Variants in PALM2AKAP2 observed in about 807,000 individuals in gnomAD.
PALM2AKAP2 encodes PALM2-AKAP2 fusion protein.
PALM2AKAP2 carries 37 observed loss-of-function variants against 71.5 expected under a neutral mutation model. The ratio of observed to expected loss-of-function variants is 0.52; its 90% CI spans 0.40 to 0.68. The LOEUF (loss-of-function observed/expected upper bound fraction) is 0.68. Among genes scored for constraint, PALM2AKAP2 ranks in the 30% least tolerant of loss-of-function variants. PALM2AKAP2 has a pLI of 0.00. For synonymous variants in PALM2AKAP2, 468 were observed against 478.8 expected (o/e 0.98, Z 0.29); for missense variants, 1,224 against 1,191.8 (o/e 1.03, Z -0.40).
intron 1 of PALM2AKAP2, among the ~76,000 whole-genome samples, chr9:110,092,303 G>A (rs959472489): frequency 6.6e-6 from 1 of 152,114 alleles, no homozygotes; most frequent in African/African-American, 2.4e-5. Context: ...CCGCATTCCA[G>A]TCTGAGTGAC....
chr9:109,903,305 G>C (rs1252153009), intron 3 of PALM2AKAP2, among the ~76,000 whole-genome samples: 1 of 151,892 alleles, frequency 6.6e-6, no homozygotes, highest in Non-Finnish European at 1.5e-5. Flanking sequence ...TGCGTACCGG[G>C]AGGGGTTGGC....
At chr9:109,649,103 G>C (rs1048250925) in intron 1 of PALM2AKAP2, among the ~76,000 whole-genome samples, 1 of 151,552 alleles carries the variant, frequency 6.6e-6, no homozygotes, top group South Asian at 2.1e-4. Context: ...TTTAAACACT[G>C]AAAGTTTGGT....
In PALM2AKAP2 at chr9:109,923,692, C is replaced by T. The variant is rs778428693; in HGVS notation, c.258-43C>T. 9 of 1,535,620 alleles carry T rather than the reference C, an allele frequency of 5.9e-6. No individual in the cohort carries two copies. The South Asian group carries it at 7.5e-5, about 13-fold the overall frequency. ...GAGCTGCTCTCTTGCCCGTGGATGG[C>T]AGGACAATAAAGTAACTTGTCCTTT... is the stretch of plus-strand genomic sequence containing the variant. On this transcript the variant is annotated intron_variant, in intron 3 of 9. Transcript: ENST00000302798.
intron 6 of PALM2AKAP2, among the ~76,000 whole-genome samples, chr9:109,973,272 T>C (rs1313050545): frequency 6.6e-6 from 1 of 152,234 alleles, no homozygotes; most frequent in African/African-American, 2.4e-5. Flanking sequence ...AAACCCTTGC[T>C]TTGTGACAGG....
intron 3 of PALM2AKAP2, among the ~76,000 whole-genome samples, chr9:109,895,073 A>G (rs73655602): frequency 0.038 from 5,749 of 152,340 alleles, 118 homozygotes; most frequent in Middle Eastern, 0.075. Context: ...GGACTCTCAG[A>G]ATGACACAGC....
intron 1 of PALM2AKAP2, among the ~76,000 whole-genome samples, chr9:109,762,836 AATGCCCCTCCTTCCCAT>A (rs1829079250): frequency 1.3e-5 from 2 of 152,212 alleles, no homozygotes; most frequent in Non-Finnish European, 2.9e-5. Flanking sequence ...CTTTTATCTC[AATGCCCCTCCTTCCCAT>A]TCCCCAGGGG....
intron 1 of PALM2AKAP2, among the ~76,000 whole-genome samples, chr9:109,817,720 G>A (rs1431265955): frequency 6.6e-6 from 1 of 152,202 alleles, no homozygotes; most frequent in Non-Finnish European, 1.5e-5. Flanking sequence ...GACTTGACTT[G>A]CAGCGAGGAA....
intron 1 of PALM2AKAP2, among the ~76,000 whole-genome samples, chr9:110,080,560 C>G (rs1834427612): frequency 6.6e-6 from 1 of 152,152 alleles, no homozygotes; most frequent in Non-Finnish European, 1.5e-5. Flanking sequence ...GCTTAGAGTG[C>G]TGTGGCAGAA....
At chr9:109,957,627 G>A (rs1831772682) in intron 6 of PALM2AKAP2, among the ~76,000 whole-genome samples, 1 of 152,172 alleles carries the variant, frequency 6.6e-6, no homozygotes, top group South Asian at 2.1e-4. Context: ...CCCACCTGCA[G>A]GGTGAACTGA....
intron 6 of PALM2AKAP2, among the ~76,000 whole-genome samples, chr9:110,002,151 T>C (rs1173839854): frequency 6.6e-6 from 1 of 152,164 alleles, no homozygotes; most frequent in Non-Finnish European, 1.5e-5. Context: ...GGCTGTGGGT[T>C]TGTCATAGAT....
intron 1 of PALM2AKAP2, among the ~76,000 whole-genome samples, chr9:109,666,795 A>G (rs1426330950): frequency 6.6e-6 from 1 of 152,256 alleles, no homozygotes; most frequent in Non-Finnish European, 1.5e-5. Context: ...AAGCTGGACA[A>G]AGGTGGTGAC....
At chr9:109,755,979 A>T (rs901456502) in intron 1 of PALM2AKAP2, among the ~76,000 whole-genome samples, 1 of 152,162 alleles carries the variant, frequency 6.6e-6, no homozygotes, top group African/African-American at 2.4e-5. Context: ...TCATCACTGC[A>T]CATGATGGTT....
chr9:110,156,679 A>G (rs1836465871), intron 3 of PALM2AKAP2, among the ~76,000 whole-genome samples, 182 bp downstream of exon 9: 1 of 151,996 alleles, frequency 6.6e-6, no homozygotes, highest in South Asian at 2.1e-4. Flanking sequence ...GCCTGTTTCA[A>G]AAAAAAATTG....
chr9:109,661,933 G>A (rs1300159851), intron 1 of PALM2AKAP2, among the ~76,000 whole-genome samples: 1 of 152,154 alleles, frequency 6.6e-6, no homozygotes, highest in African/African-American at 2.4e-5. Context: ...AAGCAATTGT[G>A]AATGGGAGTT....
chr9:109,790,561 C>T (rs1266833269), intron 1 of PALM2AKAP2, among the ~76,000 whole-genome samples: 1 of 152,106 alleles, frequency 6.6e-6, no homozygotes, highest in African/African-American at 2.4e-5. Flanking sequence ...CCAAATGGGG[C>T]TCTAGGATTT....
intron 1 of PALM2AKAP2, among the ~76,000 whole-genome samples, chr9:110,122,228 A>G (rs1835504807): frequency 6.6e-6 from 1 of 152,186 alleles, no homozygotes; most frequent in Non-Finnish European, 1.5e-5. Context: ...AGGTCTCACT[A>G]CGTTGCCCAG....
upstream of PALM2AKAP2, among the ~76,000 whole-genome samples, chr9:109,778,984 G>A (rs1829390231): frequency 6.6e-6 from 1 of 152,052 alleles, no homozygotes; most frequent in Non-Finnish European, 1.5e-5. Flanking sequence ...TGGCCAGGCT[G>A]GTCTCGAACT....
rs1287497363 is a variant in PALM2AKAP2 at position 110,035,795 on chromosome 9, TTG to T, written c.582+19762_582+19763del. On this transcript the variant is annotated intron_variant, in intron 7 of 9. Transcript: ENST00000302798. Reference sequence around the variant, plus strand: ...TTATATGTAACATATATAGGATATGTTGTGTGTTATATGTAACATATATATGA... The same window carrying T: ...TTATATGTAACATATATAGGATATGTTGTGTTATATGTAACATATATATGA... 3.3e-4 allele frequency among the ~76,000 whole-genome samples: 48 copies of T among 145,472 alleles called. 5 individuals carry two copies. The highest frequency in any genetic ancestry group is 6.3e-4 in the Admixed American group (9 of 14,234).
intron 1 of PALM2AKAP2, among the ~76,000 whole-genome samples, chr9:109,669,244 T>G (rs1827538017): frequency 6.7e-6 from 1 of 148,334 alleles, no homozygotes; most frequent in Non-Finnish European, 1.5e-5. Context: ...CCTAGTTTCC[T>G]GAAAGTGTTT....
Sources: allele counts gnomAD v4.1 joint callset (sites outside exome capture counted in the v4.1 genomes callset), GRCh38; gene constraint gnomAD v4.1.1; transcripts MANE v1.5; gene names NCBI Gene and HGNC (gene_info 2026-07-23, HGNC 2026-07-21).